Variants in GTF3C1 observed in about 807,000 individuals in gnomAD.
GTF3C1 encodes general transcription factor 3C polypeptide 1.
In GTF3C1, 57 loss-of-function variants were observed where a neutral mutation model predicts 226.7. The ratio of observed to expected loss-of-function variants is 0.25; its 90% confidence interval spans 0.20 to 0.31. The LOEUF (loss-of-function observed/expected upper bound fraction) is 0.31. GTF3C1 is among the 10% of genes least tolerant of loss of function. The probability of loss-of-function intolerance (pLI) is 1.00; values close to 1 mark genes in which losing one functional copy is unlikely to be tolerated. For missense variants in GTF3C1, 2,217 were observed against 2,776.1 expected (o/e 0.80, Z 4.53); for synonymous variants, 1,090 against 1,084.8 (o/e 1.00, Z -0.09).
intron 6 of GTF3C1, among the ~76,000 whole-genome samples, chr16:27,523,212 A>G (rs1441899895): frequency 6.6e-6 from 1 of 152,218 alleles, no homozygotes; most frequent in African/African-American, 2.4e-5. Context: ...GATGACTGGT[A>G]AACACTTGAA....
chr16:27,489,453 T>C (rs886318020), intron 20 of GTF3C1, 149 bp downstream of exon 20: 1 of 637,612 alleles, frequency 1.6e-6, no homozygotes, highest in Non-Finnish European at 2.7e-6. Context: ...CTAAATAAAG[T>C]ATGTCTGGAG....
At chr16:27,528,457 C>T in intron 6 of GTF3C1, 141 bp downstream of exon 6, 1 of 684,034 alleles carries the variant, frequency 1.5e-6, no homozygotes, top group South Asian at 1.8e-5. Context: ...CTGAGCCAGG[C>T]ACTGAGGCGC....
chr16:27,470,422 T>C lies in GTF3C1; in HGVS notation c.4527-27A>G. 1.9e-6 allele frequency: 3 copies of C among 1,593,508 alleles called. No individual in the cohort carries two copies. Among genetic ancestry groups the C allele is most frequent in the Non-Finnish European group, 2.6e-6 (3 of 1,165,394 alleles). ...TACAGACAAAAAGAAAGGAAGGGCC[T>C]GACTGAGGGCCAGCTGTGGGAAGCC... On this transcript the variant is annotated intron_variant, in intron 30 of 36. Coordinates refer to ENST00000356183, the MANE Select transcript of GTF3C1 (RefSeq NM_001520.4). The surrounding 1 kb of genome is among the most constrained non-coding windows in gnomAD (Gnocchi z 4.9).
At chr16:27,530,914 A>T (rs1018478143) in intron 5 of GTF3C1, among the ~76,000 whole-genome samples, 5 of 151,984 alleles carry the variant, frequency 3.3e-5, no homozygotes, top group Non-Finnish European at 2.9e-5. Flanking sequence ...TTCTTCAGTC[A>T]CCTCTACATC....
In GTF3C1 at chr16:27,545,421, A is replaced by G. The variant is rs776204722; in HGVS notation, c.324T>C (p.Asp108=). 6.2e-7 allele frequency: 1 copy of G among 1,611,884 alleles called. No individual in the cohort carries two copies. Among genetic ancestry groups the G allele is most frequent in the Non-Finnish European group, 8.5e-7 (1 of 1,177,938 alleles). Residue 108 remains aspartate, a synonymous_variant, in exon 2 of 37, where the codon GAT becomes GAC. Coordinates refer to ENST00000356183, the MANE Select transcript of GTF3C1 (RefSeq NM_001520.4). ...YPIHMILENK[D]GIQGSCRYFK... is the part of the protein sequence containing the mutation. ...AGTAGCGGCATGAGCCCTGGATGCC[A>G]TCCTTATTCTCTAAGATCATATGAA...
At chr16:27,484,687 T>C (rs2088108350) in intron 24 of GTF3C1, among the ~76,000 whole-genome samples, 1 of 152,226 alleles carries the variant, frequency 6.6e-6, no homozygotes, top group Non-Finnish European at 1.5e-5. Flanking sequence ...AAAGTGTGTT[T>C]AGTTAGAGGT....
intron 2 of GTF3C1, among the ~76,000 whole-genome samples, chr16:27,542,124 T>A (rs1035494188): frequency 3.3e-5 from 5 of 152,198 alleles, no homozygotes; most frequent in Non-Finnish European, 4.4e-5. Flanking sequence ...GTACATCCCA[T>A]CACACTGGGG....
At chr16:27,505,100 T>C (rs2088464497) in intron 10 of GTF3C1, among the ~76,000 whole-genome samples, 1 of 152,098 alleles carries the variant, frequency 6.6e-6, no homozygotes, top group Non-Finnish European at 1.5e-5. Context: ...GTCACAAGTG[T>C]TGACATGGTA....
At chr16:27,472,334 G>A (rs2087887713) in intron 29 of GTF3C1, among the ~76,000 whole-genome samples, 1 of 152,234 alleles carries the variant, frequency 6.6e-6, no homozygotes, top group South Asian at 2.1e-4. Flanking sequence ...CATCGGGTTC[G>A]TGCCACCTGC....
intron 12 of GTF3C1, among the ~76,000 whole-genome samples, chr16:27,500,044 C>T (rs1268621461): frequency 6.6e-6 from 1 of 152,236 alleles, no homozygotes; most frequent in Non-Finnish European, 1.5e-5. Flanking sequence ...CCGCTGCCCC[C>T]ATCCCTCGCC....
intron 7 of GTF3C1, among the ~76,000 whole-genome samples, chr16:27,509,513 T>C (rs1482491812): frequency 6.6e-6 from 1 of 152,096 alleles, no homozygotes; most frequent in Admixed American, 6.5e-5. Context: ...ATCCCAGCAC[T>C]TTGGGAGGCT....
chr16:27,489,230 AAG>A (rs1367179854), intron 20 of GTF3C1, 52 bp from the exon 21 acceptor site: 1 of 1,599,166 alleles, frequency 6.3e-7, no homozygotes, highest in African/African-American at 1.3e-5. Context: ...ATCACCGAAA[AAG>A]AGAGCCCATG....
In GTF3C1 at chr16:27,462,513, G is replaced by A; in HGVS notation, c.5925-27C>T. The A allele has an allele frequency of 1.3e-6, 2 of 1,581,360 alleles. No homozygotes were observed. Among genetic ancestry groups the A allele is most frequent in the East Asian group, 2.2e-5 (1 of 44,640 alleles). On this transcript the variant is annotated intron_variant, in intron 35 of 36. Transcript: ENST00000356183. The surrounding 1 kb of genome is among the most constrained non-coding windows in gnomAD (Gnocchi z 4.5). ...TGCAGGGAGAGGGCTTGACATCAGG[G>A]CTTGGTGGGGGCAGGAGGGCAGCTC...
chr16:27,461,028 A>C lies in GTF3C1; in HGVS notation c.*322T>G. 8.3e-6 allele frequency: 2 copies of C among 241,018 alleles called. No individual in the cohort carries two copies. Among genetic ancestry groups the C allele is most frequent in the African/African-American group, 2.2e-5 (1 of 45,746 alleles). 14.9% of individuals were successfully genotyped at this position (241,018 alleles called of 1,614,324 possible). The stretch of plus-strand genomic sequence containing the variant: ...GCCAGGAGATCCTGCCGAGATGGCT[A>C]GAGTCTGGAATGTGAGGTGTGCACA... On this transcript the variant is annotated 3_prime_UTR_variant, in exon 37 of 37. Transcript: ENST00000356183. The surrounding 1 kb of genome is among the most constrained non-coding windows in gnomAD (Gnocchi z 5.3).
intron 4 of GTF3C1, 98 bp downstream of exon 4, chr16:27,537,686 G>A: frequency 4.9e-6 from 4 of 818,662 alleles, no homozygotes; most frequent in South Asian, 1.8e-5. Context: ...ATGATTACAG[G>A]TATGAGCCAC....
chr16:27,483,730 G>A (rs1197933328), intron 25 of GTF3C1, among the ~76,000 whole-genome samples: 2 of 152,202 alleles, frequency 1.3e-5, no homozygotes, highest in Admixed American at 6.5e-5. Flanking sequence ...CACAAGGGCA[G>A]GGCAGGAAGA....
intron 27 of GTF3C1, among the ~76,000 whole-genome samples, chr16:27,479,677 C>A (rs2088009133): frequency 6.6e-6 from 1 of 152,130 alleles, no homozygotes; most frequent in Non-Finnish European, 1.5e-5. Context: ...CCATGTTGGC[C>A]AGGCTGGTCT....
At chr16:27,510,516 T>C (rs576505853) in intron 7 of GTF3C1, among the ~76,000 whole-genome samples, 1 of 152,230 alleles carries the variant, frequency 6.6e-6, no homozygotes, top group Admixed American at 6.5e-5. Flanking sequence ...GAGATACCAC[T>C]GCACTCCAGC....
chr16:27,512,918 C>T (rs991067995), intron 6 of GTF3C1, among the ~76,000 whole-genome samples: 1 of 152,200 alleles, frequency 6.6e-6, no homozygotes, highest in Admixed American at 6.5e-5. Context: ...AGGTCTCCAA[C>T]ATGAACACCA....
Sources: gnomAD v4.1 joint callset for allele counts (sites outside exome capture counted in the v4.1 genomes callset) on GRCh38, gnomAD v4.1.1 for gene constraint, Gnocchi (gnomAD v3.1) non-coding constraint, MANE v1.5 for transcripts, NCBI Gene and HGNC (gene_info 2026-07-23, HGNC 2026-07-21) for gene names.